CADPS2: variants seen among roughly 807,000 people sequenced by gnomAD.
CADPS2 encodes calcium-dependent secretion activator 2.
In CADPS2, 93 loss-of-function variants were observed where a neutral mutation model predicts 172.5. The ratio of observed to expected loss-of-function variants is 0.54; its 90% CI spans 0.46 to 0.64. The LOEUF is 0.64. Among genes scored for constraint, CADPS2 ranks in the 30% least tolerant of loss-of-function variants. The probability of loss-of-function intolerance (pLI) is 0.00; values close to 1 mark genes in which losing one functional copy is unlikely to be tolerated. For synonymous variants in CADPS2, 546 were observed against 555.2 expected (o/e 0.98, Z 0.23); for missense variants, 1,420 against 1,565.9 (o/e 0.91, Z 1.57).
At chr7:122,578,354 G>A (rs1041453478) in intron 7 of CADPS2, among the ~76,000 whole-genome samples, 1 of 152,220 alleles carries the variant, frequency 6.6e-6, no homozygotes, top group East Asian at 1.9e-4. Context: ...AAGCAGGTAT[G>A]AGTGTACAAT....
rs548256123 is a variant in CADPS2, at chr7:122,489,340, C to A, written c.1852+741G>T. Among the ~76,000 whole-genome samples, 29 of 152,016 alleles carry A rather than the reference C, an allele frequency of 1.9e-4. No individual in the cohort carries two copies. The East Asian group carries it at 5.2e-3, about 27-fold the overall frequency. ...AGATGTTATTCCCTTTGAGAAGAAT[C>A]TCAAGAATAAAAAGCCACAAGTTGA... On this transcript the variant is annotated intron_variant, in intron 11 of 29. Transcript: ENST00000449022.
intron 1 of CADPS2, among the ~76,000 whole-genome samples, chr7:122,750,665 CAT>C (rs1214254964): frequency 1.3e-5 from 2 of 152,100 alleles, no homozygotes; most frequent in Non-Finnish European, 2.9e-5. Context: ...CACTAAGAGA[CAT>C]GTGTGATCAT....
intron 11 of CADPS2, among the ~76,000 whole-genome samples, chr7:122,481,903 G>A (rs568068223): frequency 3.9e-4 from 60 of 151,996 alleles, no homozygotes; most frequent in Middle Eastern, 3.4e-3. Context: ...CCCGGCTGCT[G>A]AGATTACTTG....
chr7:122,362,064 C>T (rs1381092322), intron 25 of CADPS2, among the ~76,000 whole-genome samples: 2 of 151,612 alleles, frequency 1.3e-5, no homozygotes, highest in Admixed American at 6.6e-5. Flanking sequence ...CAAAACTCTG[C>T]CTTAAAAAAG....
intron 7 of CADPS2, among the ~76,000 whole-genome samples, chr7:122,580,385 G>A (rs1437277619): frequency 6.6e-6 from 1 of 151,150 alleles, no homozygotes; most frequent in Non-Finnish European, 1.5e-5. Flanking sequence ...AATCTAGGAG[G>A]TGGGTTGCAA....
At chr7:122,552,816 GA>G (rs1265369022) in intron 8 of CADPS2, among the ~76,000 whole-genome samples, 1 of 143,102 alleles carries the variant, frequency 7.0e-6, no homozygotes, top group African/African-American at 2.6e-5. Context: ...TTCATCAAAA[GA>G]AAAAGGGACT....
At chr7:122,671,028 C>A (rs1203025596) in intron 2 of CADPS2, among the ~76,000 whole-genome samples, 2 of 152,166 alleles carry the variant, frequency 1.3e-5, no homozygotes, top group Non-Finnish European at 2.9e-5. Flanking sequence ...CAGATCTCCA[C>A]CCAGCTGATC....
At chr7:122,813,190 C>A (rs534007208) in intron 1 of CADPS2, among the ~76,000 whole-genome samples, 86 of 152,176 alleles carry the variant, frequency 5.7e-4, no homozygotes, top group Admixed American at 4.5e-3. Flanking sequence ...TCCATCAGTA[C>A]CAAGCTTCTT....
At chr7:122,680,159 C>G (rs564266127) in intron 2 of CADPS2, among the ~76,000 whole-genome samples, 1 of 152,296 alleles carries the variant, frequency 6.6e-6, no homozygotes, top group South Asian at 2.1e-4. Context: ...AATATCTGAC[C>G]TCTGTTTTTA....
At chr7:122,462,554 A>C (rs1006791311) in intron 14 of CADPS2, among the ~76,000 whole-genome samples, 5 of 152,236 alleles carry the variant, frequency 3.3e-5, no homozygotes, top group African/African-American at 1.2e-4. Context: ...GATAAATGTA[A>C]ATGGACCAAA....
intron 3 of CADPS2, among the ~76,000 whole-genome samples, chr7:122,658,898 TAAG>T (rs958372135): frequency 1.3e-5 from 2 of 151,480 alleles, no homozygotes; most frequent in Non-Finnish European, 2.9e-5. Context: ...AAATTAAAAA[TAAG>T]GAGATTTAAT....
At chr7:122,610,880 C>T (rs1375955083) in intron 6 of CADPS2, among the ~76,000 whole-genome samples, 1 of 152,092 alleles carries the variant, frequency 6.6e-6, no homozygotes, top group Non-Finnish European at 1.5e-5. Context: ...TCAGAACTGG[C>T]AAGACTTCAA....
At chr7:122,604,267 C>A (rs2073195376) in intron 6 of CADPS2, among the ~76,000 whole-genome samples, 1 of 152,090 alleles carries the variant, frequency 6.6e-6, no homozygotes, top group South Asian at 2.1e-4. Context: ...CATTGTTATT[C>A]ACTCACAGAT....
chr7:122,342,122 G>T (rs1234450192), intron 28 of CADPS2, among the ~76,000 whole-genome samples: 1 of 152,046 alleles, frequency 6.6e-6, no homozygotes. Flanking sequence ...TCCTATTTAT[G>T]ACCTTTAAGG....
At chr7:122,821,697 A>C (rs1563102818) in intron 1 of CADPS2, among the ~76,000 whole-genome samples, 2 of 152,152 alleles carry the variant, frequency 1.3e-5, no homozygotes, top group African/African-American at 4.8e-5. Context: ...GCAGTTTTTC[A>C]GGCTCTTAGT....
intron 19 of CADPS2, among the ~76,000 whole-genome samples, chr7:122,411,185 C>T (rs931697241): frequency 2.7e-5 from 4 of 150,406 alleles, no homozygotes; most frequent in African/African-American, 9.7e-5. Flanking sequence ...TTCTTTATAT[C>T]TTTTCTACTT....
intron 1 of CADPS2, among the ~76,000 whole-genome samples, chr7:122,786,221 T>G (rs566610451): frequency 6.6e-6 from 1 of 152,316 alleles, no homozygotes; most frequent in Non-Finnish European, 1.5e-5. Context: ...AATGGCAAAT[T>G]AGCATCATCG....
At chr7:122,661,447 T>C (rs577869563) in intron 3 of CADPS2, among the ~76,000 whole-genome samples, 194 of 152,268 alleles carry the variant, frequency 1.3e-3, no homozygotes, top group South Asian at 2.3e-3. Context: ...ATATATTTTA[T>C]AACCTTGTAA....
At chr7:122,699,401 T>C (rs2085667837) in intron 2 of CADPS2, among the ~76,000 whole-genome samples, 1 of 152,028 alleles carries the variant, frequency 6.6e-6, no homozygotes, top group African/African-American at 2.4e-5. Flanking sequence ...TGTTTTATTT[T>C]CCCAGCAAGT....
Sources: gnomAD v4.1 joint callset for allele counts (sites outside exome capture counted in the v4.1 genomes callset) on GRCh38, gnomAD v4.1.1 for gene constraint, MANE v1.5 for transcripts, NCBI Gene and HGNC (gene_info 2026-07-23, HGNC 2026-07-21) for gene names.